The following BICC1 variants were observed in gnomAD, a reference collection of about 807,000 sequenced individuals.
BICC1 encodes the protein protein bicaudal C homolog 1.
BICC1 carries 43 observed loss-of-function variants against 111.0 expected under a neutral mutation model. The observed-to-expected ratio is 0.39, with a 90% CI of 0.30 to 0.50. BICC1 has a LOEUF of 0.50. Ranked by LOEUF, BICC1 falls within the 20% of genes least tolerant of loss-of-function variation. The pLI is 0.88. For missense variants in BICC1, 1,091 were observed against 1,203.2 expected, an observed-to-expected ratio of 0.91 and a Z score of 1.38; for synonymous variants, 467 against 434.4, an observed-to-expected ratio of 1.07 and a Z score of -0.93.
chr10:58,601,140 T>TAATATATATATATATATCTATATA (rs1554810885), intron 1 of BICC1, among the ~76,000 whole-genome samples: 1 of 100,672 alleles, frequency 9.9e-6, no homozygotes, highest in Non-Finnish European at 2.0e-5. Flanking sequence ...ATTTTAAAAC[T>TAATATATATATATATATCTATATA]TATATATATA....
chr10:58,664,833 G>A (rs1422828397), intron 2 of BICC1, among the ~76,000 whole-genome samples: 2 of 151,976 alleles, frequency 1.3e-5, no homozygotes, highest in Non-Finnish European at 2.9e-5. Flanking sequence ...CGTTAATATA[G>A]GGGAGTGTGT....
intron 1 of BICC1, among the ~76,000 whole-genome samples, chr10:58,564,841 G>A: frequency 6.6e-6 from 1 of 152,122 alleles, no homozygotes; most frequent in East Asian, 1.9e-4. Context: ...ATTTATTTTG[G>A]CAATAAGTTA....
chr10:58,629,921 C>G (rs1375434693), intron 2 of BICC1, among the ~76,000 whole-genome samples: 2 of 152,166 alleles, frequency 1.3e-5, no homozygotes, highest in African/African-American at 2.4e-5. Flanking sequence ...TCTAAATAGC[C>G]CTTTTAAATT....
At position 58,796,293 on chromosome 10, in the gene BICC1, A is replaced by G. The variant is rs528771723; in HGVS notation, c.1180-47A>G. 1.8e-5 allele frequency: 27 copies of G among 1,534,656 alleles called. No individual in the cohort carries two copies. In the South Asian group the frequency reaches 2.6e-4, roughly 15 times the overall value. On this transcript the variant is annotated intron_variant, in intron 9 of 20. Transcript: ENST00000373886. ...CTCCCTCCCCTCCCCCATTCATTGTAGACTACTTGCATGTCACCTTTTTTC... is the reference window on the plus strand; with the variant it reads ...CTCCCTCCCCTCCCCCATTCATTGTGGACTACTTGCATGTCACCTTTTTTC...
chr10:58,800,849 G>A lies in BICC1; in HGVS notation c.1859-41G>A, dbSNP rs747853427. 70 of 1,538,050 alleles carry A rather than the reference G, an allele frequency of 4.6e-5. No homozygotes were observed. In the Admixed American group the frequency reaches 7.4e-4, roughly 16 times the overall value. ...AGATAATTGTCAACTGGAAGGTGAT[G>A]TTGTTTAGGTGTTTCACTTTTTTTT... On this transcript the variant is annotated intron_variant, in intron 13 of 20. Transcript: ENST00000373886.
intron 1 of BICC1, among the ~76,000 whole-genome samples, chr10:58,563,454 G>A (rs1040659379): frequency 1.4e-4 from 21 of 152,164 alleles, no homozygotes; most frequent in African/African-American, 5.1e-4. Context: ...TCTCCACAAT[G>A]GAGAGTTCCT....
At chr10:58,711,988 GA>G (rs1840590564) in intron 3 of BICC1, among the ~76,000 whole-genome samples, 1 of 151,938 alleles carries the variant, frequency 6.6e-6, no homozygotes, top group South Asian at 2.1e-4. Flanking sequence ...AATATACAAA[GA>G]ACTTTTTAAA....
At chr10:58,590,929 C>A (rs1380921266) in intron 1 of BICC1, among the ~76,000 whole-genome samples, 1 of 152,238 alleles carries the variant, frequency 6.6e-6, no homozygotes, top group South Asian at 2.1e-4. Context: ...TTTGCTTTTA[C>A]AAAACTGATC....
chr10:58,800,075 T>G (rs1480486428), intron 12 of BICC1, 119 bp from the exon 13 acceptor site: 1 of 678,022 alleles, frequency 1.5e-6, no homozygotes, highest in Non-Finnish European at 2.5e-6. Flanking sequence ...TCTCCTTAGT[T>G]AGAAGTATTC....
intron 1 of BICC1, among the ~76,000 whole-genome samples, chr10:58,566,015 C>T (rs954175702): frequency 6.6e-6 from 1 of 152,090 alleles, no homozygotes; most frequent in Admixed American, 6.6e-5. Context: ...ATTCTTATGC[C>T]TTTGCATCCT....
At chr10:58,699,713 TA>T (rs1840172302) in intron 2 of BICC1, among the ~76,000 whole-genome samples, 1 of 151,896 alleles carries the variant, frequency 6.6e-6, no homozygotes, top group African/African-American at 2.4e-5. Flanking sequence ...TTTTTTTTTT[TA>T]AACAGTGTCT....
chr10:58,828,899 C>G lies in BICC1; in HGVS notation c.*8C>G, dbSNP rs765798374. 1.2e-6 allele frequency: 2 copies of G among 1,613,614 alleles called. No individual in the cohort carries two copies. Among genetic ancestry groups the G allele is most frequent in the South Asian group, 1.1e-5 (1 of 91,048 alleles). ...GTCAGTGGCCGCTGGTAGCAGCACCCTCTTGGCACATGCCCGCTGACTAAC... is the reference window on the plus strand; with the variant it reads ...GTCAGTGGCCGCTGGTAGCAGCACCGTCTTGGCACATGCCCGCTGACTAAC... On this transcript the variant is annotated 3_prime_UTR_variant, in exon 21 of 21. Transcript: ENST00000373886.
At chr10:58,563,553 T>C (rs1401431263) in intron 1 of BICC1, among the ~76,000 whole-genome samples, 2 of 152,196 alleles carry the variant, frequency 1.3e-5, no homozygotes, top group Non-Finnish European at 2.9e-5. Context: ...TTTTGCCACT[T>C]CCTTGCTAAC....
At chr10:58,655,832 G>A (rs553853029) in intron 2 of BICC1, among the ~76,000 whole-genome samples, 131 of 148,142 alleles carry the variant, frequency 8.8e-4, no homozygotes, top group Non-Finnish European at 1.6e-3. Flanking sequence ...GTCATAGATA[G>A]CTCTTATTAT....
rs541249087 is a variant in BICC1 at position 58,754,899 on chromosome 10, T to C, written c.308-30102T>C. ...TATTCTTGTAGCATCCTTAATGCCATTGGTCCTTAGCTTTATAGATCAAGA... is the reference window on the plus strand; with the variant it reads ...TATTCTTGTAGCATCCTTAATGCCACTGGTCCTTAGCTTTATAGATCAAGA... On this transcript the variant is annotated intron_variant, in intron 3 of 20. Coordinates refer to ENST00000373886, the MANE Select transcript of BICC1 (RefSeq NM_001080512.3). Among the ~76,000 whole-genome samples, 219 of 152,272 alleles carry C rather than the reference T, an allele frequency of 1.4e-3. 1 individual carries two copies. The South Asian group carries it at 0.021, about 15-fold the overall frequency.
chr10:58,648,097 A>G (rs1257913721), intron 2 of BICC1, among the ~76,000 whole-genome samples: 2 of 152,102 alleles, frequency 1.3e-5, no homozygotes, highest in Non-Finnish European at 2.9e-5. Flanking sequence ...ACATGACACA[A>G]TCAACTGCAT....
At chr10:58,814,214 A>G (rs1440403850) in intron 18 of BICC1, 2 of 625,596 alleles carry the variant, frequency 3.2e-6, no homozygotes, top group Non-Finnish European at 5.8e-6. Flanking sequence ...TGCCATACCA[A>G]AGGGCAATTA....
chr10:58,633,956 G>A (rs1269358399), intron 2 of BICC1, among the ~76,000 whole-genome samples: 2 of 150,660 alleles, frequency 1.3e-5, no homozygotes, highest in Admixed American at 6.6e-5. Context: ...AACTTTTAGG[G>A]GCGGAATTTC....
intron 1 of BICC1, among the ~76,000 whole-genome samples, chr10:58,597,468 T>C (rs1012946934): frequency 2.0e-5 from 3 of 152,108 alleles, no homozygotes; most frequent in Non-Finnish European, 4.4e-5. Flanking sequence ...GAACTACTGA[T>C]AAGGGTCTGT....
Sources: allele counts gnomAD v4.1 joint callset (sites outside exome capture counted in the v4.1 genomes callset), GRCh38; gene constraint gnomAD v4.1.1; transcripts MANE v1.5; gene names NCBI Gene and HGNC (gene_info 2026-07-23, HGNC 2026-07-21).